The following PCOLCE2 variants were observed in gnomAD, a reference collection of about 807,000 sequenced individuals.
PCOLCE2 encodes procollagen C-proteinase enhancer 2.
Under a neutral mutation model 47.0 loss-of-function variants are expected in PCOLCE2, and 42 were observed. The ratio of observed to expected loss-of-function variants is 0.89; its 90% CI spans 0.70 to 1.16. PCOLCE2 has a LOEUF of 1.16. Ranked by LOEUF, PCOLCE2 falls within the 50% of genes most tolerant of loss-of-function variation. PCOLCE2 has a pLI of 0.00. For missense variants in PCOLCE2, 500 were observed against 526.1 expected, an observed-to-expected ratio of 0.95 and a Z score of 0.49; for synonymous variants, 169 against 191.7, an observed-to-expected ratio of 0.88 and a Z score of 0.98.
At chr3:142,861,922 C>T (rs1933189509) in intron 2 of PCOLCE2, among the ~76,000 whole-genome samples, 1 of 152,196 alleles carries the variant, frequency 6.6e-6, no homozygotes, top group South Asian at 2.1e-4. Flanking sequence ...CCATGCCTCG[C>T]CTGAGGTGTA....
At chr3:142,835,732 T>C (rs541733399) in intron 5 of PCOLCE2, among the ~76,000 whole-genome samples, 1 of 152,324 alleles carries the variant, frequency 6.6e-6, no homozygotes, top group East Asian at 1.9e-4. Flanking sequence ...GGCATCGATC[T>C]CCTGGGCTCA....
chr3:142,879,253 G>GA (rs1252090036), intron 2 of PCOLCE2, among the ~76,000 whole-genome samples: 2,632 of 147,808 alleles, frequency 0.018, 74 homozygotes, highest in African/African-American at 0.06. Flanking sequence ...ATCCCTTTCA[G>GA]AAAAAAAAAA....
intron 5 of PCOLCE2, among the ~76,000 whole-genome samples, chr3:142,834,764 G>A (rs1937184506): frequency 6.6e-6 from 1 of 152,006 alleles, no homozygotes; most frequent in Non-Finnish European, 1.5e-5. Flanking sequence ...ACTGATAAAT[G>A]AGATTGGTCT....
At chr3:142,824,150 C>T (rs1435941338) in intron 6 of PCOLCE2, among the ~76,000 whole-genome samples, 1 of 152,028 alleles carries the variant, frequency 6.6e-6, no homozygotes, top group African/African-American at 2.4e-5. Flanking sequence ...TATTTTGAGC[C>T]TGGCACTGGC....
chr3:142,819,047 T>C (rs1578025760), intron 8 of PCOLCE2, among the ~76,000 whole-genome samples: 1 of 152,368 alleles, frequency 6.6e-6, no homozygotes, highest in South Asian at 2.1e-4. Flanking sequence ...TCCACTCTCT[T>C]ATGTTGCTGT....
intron 1 of PCOLCE2, 52 bp from the exon 2 acceptor site, chr3:142,887,829 A>C: frequency 1.0e-6 from 1 of 974,796 alleles, no homozygotes; most frequent in East Asian, 2.4e-5. Context: ...TGGTCTAACA[A>C]TCTGATGTTA....
chr3:142,829,145 T>C (rs1329776691), intron 6 of PCOLCE2, among the ~76,000 whole-genome samples: 1 of 152,104 alleles, frequency 6.6e-6, no homozygotes, highest in Non-Finnish European at 1.5e-5. Context: ...ACTCCCTACA[T>C]ACATGCCTCA....
chr3:142,839,124 A>G (rs1395075508), intron 4 of PCOLCE2, among the ~76,000 whole-genome samples: 6 of 152,166 alleles, frequency 3.9e-5, no homozygotes, highest in Non-Finnish European at 5.9e-5. Flanking sequence ...AGATCATCTC[A>G]AACTCAGATC....
chr3:142,849,084 C>T (rs7634074), intron 2 of PCOLCE2, among the ~76,000 whole-genome samples: 93,756 of 150,756 alleles, frequency 0.62, 29,448 homozygotes, highest in Non-Finnish European at 0.66. Flanking sequence ...ACCCGGGAGG[C>T]GGAGCTTGCA....
Position 142,837,987 on chromosome 3 carries a change from G to A in PCOLCE2, c.710+783C>T, listed in dbSNP as rs144967463. Among the ~76,000 whole-genome samples, 684 of 152,296 alleles carry A rather than the reference G, an allele frequency of 4.5e-3. 4 individuals are homozygous for A. The highest frequency in any genetic ancestry group is 7.6e-3 in the Non-Finnish European group (516 of 68,014). The stretch of plus-strand genomic sequence containing the variant: ...TAAGGTAAAATCATTTGGGTTTGTC[G>A]TAAACTTCTGGGTCTCCTTGTCTGG... On this transcript the variant is annotated intron_variant, in intron 5 of 8. Transcript: ENST00000295992.
At chr3:142,875,575 T>C (rs907989794) in intron 2 of PCOLCE2, among the ~76,000 whole-genome samples, 19 of 152,200 alleles carry the variant, frequency 1.2e-4, no homozygotes, top group African/African-American at 4.1e-4. Flanking sequence ...ATAAATGAAA[T>C]GTCCTTGCTG....
Position 142,840,762 on chromosome 3 carries a change from C to T in PCOLCE2, c.574-1856G>A, listed in dbSNP as rs75422166. ...CTTTCCAGGTTATTAAAAAAATTGG[C>T]GAACTTTTTCTACTTAGAAATTAGT... On this transcript the variant is annotated intron_variant, in intron 4 of 8. Coordinates refer to ENST00000295992, the MANE Select transcript of PCOLCE2 (RefSeq NM_013363.4). Among the ~76,000 whole-genome samples, 935 of 152,220 alleles carry T rather than the reference C, an allele frequency of 6.1e-3. 16 individuals carry two copies. Among genetic ancestry groups the T allele is most frequent in the African/African-American group, 0.022 (897 of 41,538 alleles).
chr3:142,865,391 A>T (rs1005312025), intron 2 of PCOLCE2, among the ~76,000 whole-genome samples: 3 of 152,204 alleles, frequency 2.0e-5, no homozygotes, highest in Non-Finnish European at 4.4e-5. Flanking sequence ...CTTAACTTGT[A>T]ATAAAGATGA....
chr3:142,823,396 T>C (rs1171683832), intron 7 of PCOLCE2, 136 bp downstream of exon 7: 2 of 598,442 alleles, frequency 3.3e-6, no homozygotes, highest in Non-Finnish European at 6.1e-6. Context: ...CATTCTGGTG[T>C]ATAGGCAAGT....
At chr3:142,843,365 C>T (rs1937289571) in intron 3 of PCOLCE2, 1 of 452,318 alleles carries the variant, frequency 2.2e-6, no homozygotes, top group Non-Finnish European at 4.4e-6. Flanking sequence ...AGCTTGCAGG[C>T]TCAAAAAATC....
chr3:142,832,848 G>T (rs1181775469), intron 5 of PCOLCE2, among the ~76,000 whole-genome samples: 2 of 152,130 alleles, frequency 1.3e-5, no homozygotes, highest in Non-Finnish European at 2.9e-5. Context: ...ACAGGGAAAA[G>T]CTCCCCAAAC....
intron 2 of PCOLCE2, among the ~76,000 whole-genome samples, chr3:142,854,727 C>T (rs909586617): frequency 6.6e-6 from 1 of 152,178 alleles, no homozygotes; most frequent in African/African-American, 2.4e-5. Context: ...CCAAAACTTT[C>T]CCACTGCACT....
chr3:142,823,804 G>A (rs1448811119), intron 6 of PCOLCE2, among the ~76,000 whole-genome samples, 189 bp from the exon 7 acceptor site: 1 of 152,134 alleles, frequency 6.6e-6, no homozygotes, highest in Non-Finnish European at 1.5e-5. Context: ...ATTTCACCAG[G>A]ACAACTCAAT....
chr3:142,818,267 T>C lies in PCOLCE2; in HGVS notation c.*68A>G. On this transcript the variant is annotated 3_prime_UTR_variant, in exon 9 of 9. Transcript: ENST00000295992. Reference sequence around the variant, plus strand: ...ATGTAATTTTATAAGTATTTTTTTTTCTACTGAGAGAACATAGATCTTTCA... The same window carrying C: ...ATGTAATTTTATAAGTATTTTTTTTCCTACTGAGAGAACATAGATCTTTCA... The C allele has an allele frequency of 7.2e-7, 1 of 1,388,812 alleles. No individual in the cohort carries two copies. The highest frequency in any genetic ancestry group is 1.0e-6 in the Non-Finnish European group (1 of 993,732). 86.0% of individuals were successfully genotyped at this position (1,388,812 alleles called of 1,614,324 possible). A position where few individuals can be genotyped will look rare whatever the true frequency, so the allele number is the denominator to read the frequency against.
Sources: gnomAD v4.1 joint callset for allele counts (sites outside exome capture counted in the v4.1 genomes callset) on GRCh38, gnomAD v4.1.1 for gene constraint, MANE v1.5 for transcripts, NCBI Gene and HGNC (gene_info 2026-07-23, HGNC 2026-07-21) for gene names.